PDZRN4: variants seen among roughly 807,000 people sequenced by gnomAD.
The protein encoded by PDZRN4 is PDZ domain containing ring finger 4.
A neutral mutation model predicts 99.0 loss-of-function variants in PDZRN4; 70 were observed. The observed-to-expected ratio is 0.71, with a 90% confidence interval of 0.58 to 0.86. The LOEUF is 0.86. Ranked by LOEUF, PDZRN4 falls within the 40% of genes least tolerant of loss-of-function variation. The pLI is 0.00. For missense variants in PDZRN4, 1,474 were observed against 1,331.2 expected (o/e 1.11, Z -1.67); for synonymous variants, 551 against 501.6 (o/e 1.10, Z -1.32).
intron 3 of PDZRN4, among the ~76,000 whole-genome samples, chr12:41,359,991 G>T (rs1430573238): frequency 6.6e-6 from 1 of 151,906 alleles, no homozygotes; most frequent in East Asian, 1.9e-4. Context: ...ACATATGCCT[G>T]CACACTCTTC....
rs147401164 is a variant in PDZRN4 at position 41,402,689 on chromosome 12, T to G, written c.844-103767T>G. On this transcript the variant is annotated intron_variant, in intron 3 of 9. Transcript: ENST00000402685. ...TATATATATATATATATACTGAGTA[T>G]ATACATATATATACTCTCTTCAAAA... is the stretch of plus-strand genomic sequence containing the variant. Among the ~76,000 whole-genome samples, 151 of 134,790 alleles carry G rather than the reference T, an allele frequency of 1.1e-3. 3 individuals are homozygous for G. Among genetic ancestry groups the G allele is most frequent in the African/African-American group, 4.2e-3 (145 of 34,250 alleles). 88.4% of individuals were successfully genotyped at this position (134,790 alleles called of 152,430 possible).
chr12:41,249,903 T>C (rs937963421), intron 3 of PDZRN4, among the ~76,000 whole-genome samples: 2 of 152,230 alleles, frequency 1.3e-5, no homozygotes, highest in African/African-American at 2.4e-5. Context: ...GGGTTATGTG[T>C]GTATGTTTAA....
intron 3 of PDZRN4, among the ~76,000 whole-genome samples, chr12:41,265,742 A>T (rs1346389163): frequency 6.6e-6 from 1 of 152,204 alleles, no homozygotes; most frequent in African/African-American, 2.4e-5. Flanking sequence ...TCATTGCATC[A>T]TATTTTTAAC....
chr12:41,413,613 A>C (rs986940857), intron 3 of PDZRN4, among the ~76,000 whole-genome samples: 1 of 152,174 alleles, frequency 6.6e-6, no homozygotes, highest in Non-Finnish European at 1.5e-5. Flanking sequence ...GTGTTGCAGC[A>C]CATATAATGT....
At chr12:41,257,882 A>AT (rs1461501991) in intron 3 of PDZRN4, among the ~76,000 whole-genome samples, 60 of 152,312 alleles carry the variant, frequency 3.9e-4, no homozygotes, top group African/African-American at 1.4e-3. Flanking sequence ...CTGTTTATAT[A>AT]TTTAACAGTA....
At chr12:41,310,272 GT>G (rs1951598217) in intron 3 of PDZRN4, among the ~76,000 whole-genome samples, 1 of 152,042 alleles carries the variant, frequency 6.6e-6, no homozygotes, top group Non-Finnish European at 1.5e-5. Flanking sequence ...GTGTGTGTGT[GT>G]GTGTGTATGC....
intron 3 of PDZRN4, among the ~76,000 whole-genome samples, chr12:41,339,589 C>T (rs1565556168): frequency 1.3e-5 from 2 of 151,468 alleles, no homozygotes; most frequent in Admixed American, 6.6e-5. Context: ...GAGACCATAT[C>T]AAGTTAAAAA....
chr12:41,272,475 A>G (rs1000229288), intron 3 of PDZRN4, among the ~76,000 whole-genome samples: 3 of 152,054 alleles, frequency 2.0e-5, no homozygotes, highest in African/African-American at 7.2e-5. Flanking sequence ...TGGCCCATTT[A>G]TTGTATTAAA....
At chr12:41,570,917 C>T (rs1939460181) in intron 9 of PDZRN4, among the ~76,000 whole-genome samples, 1 of 152,076 alleles carries the variant, frequency 6.6e-6, no homozygotes, top group Admixed American at 6.5e-5. Context: ...CATAGAAAAG[C>T]TGATACATGG....
chr12:41,290,762 C>A (rs989920086), intron 3 of PDZRN4, among the ~76,000 whole-genome samples: 1 of 151,988 alleles, frequency 6.6e-6, no homozygotes, highest in East Asian at 1.9e-4. Flanking sequence ...GAAGGAATAA[C>A]CGGTCATTTT....
intron 3 of PDZRN4, among the ~76,000 whole-genome samples, chr12:41,294,068 T>A (rs986776280): frequency 6.6e-6 from 1 of 152,198 alleles, no homozygotes; most frequent in East Asian, 1.9e-4. Context: ...GTTTTTGTTT[T>A]TGTTTCTTTT....
chr12:41,424,032 AG>A (rs1391275659), intron 3 of PDZRN4, among the ~76,000 whole-genome samples: 3 of 152,170 alleles, frequency 2.0e-5, no homozygotes, highest in Non-Finnish European at 4.4e-5. Flanking sequence ...CATGTTGGGA[AG>A]TTCCTCATGT....
rs1055571412 is a variant in PDZRN4 at position 41,188,592 on chromosome 12, C to T, written c.137C>T (p.Ala46Val). 4 of 1,541,986 alleles carry T rather than the reference C, an allele frequency of 2.6e-6. No individual in the cohort carries two copies. In the Admixed American group the frequency reaches 7.7e-5, roughly 30 times the overall value. ...VFCASCLLPW[A>V]VRRRRCPLQC... ...TGCGCCAGCTGCCTGTTGCCCTGGGCGGTGCGGAGGCGCCGGTGCCCGCTG... is the reference window on the plus strand; with the variant it reads ...TGCGCCAGCTGCCTGTTGCCCTGGGTGGTGCGGAGGCGCCGGTGCCCGCTG... Residue 46 changes from alanine (A) to valine (V), a missense_variant, in exon 1 of 10, where the codon GCG (alanine) becomes GTG (valine). Coordinates refer to ENST00000402685, the MANE Select transcript of PDZRN4 (RefSeq NM_001164595.2).
intron 3 of PDZRN4, among the ~76,000 whole-genome samples, chr12:41,207,210 A>G (rs1950857096): frequency 6.6e-6 from 1 of 151,806 alleles, no homozygotes; most frequent in South Asian, 2.1e-4. Context: ...AGACATGTGT[A>G]ATTTTTTTTG....
chr12:41,314,275 CAAGTT>C (rs1440314863), intron 3 of PDZRN4, among the ~76,000 whole-genome samples: 8 of 152,258 alleles, frequency 5.3e-5, no homozygotes, highest in Middle Eastern at 3.4e-3. Context: ...ATCATCACAG[CAAGTT>C]AAGTTTCTGA....
Position 41,560,593 on chromosome 12 carries a change from C to T in PDZRN4, c.1366-2955C>T, listed in dbSNP as rs560120402. On this transcript the variant is annotated intron_variant, in intron 7 of 9. Transcript: ENST00000402685. ...CTATTTTCCTAAAGTGGAAGTCCTC[C>T]ATTAAGCTATGTGACGTGACTACTC... Among the ~76,000 whole-genome samples, 354 of 152,312 alleles carry T rather than the reference C, an allele frequency of 2.3e-3. 2 individuals are homozygous for T. The highest frequency in any genetic ancestry group is 7.4e-3 in the African/African-American group (306 of 41,584).
intron 3 of PDZRN4, among the ~76,000 whole-genome samples, chr12:41,449,312 T>C (rs976342268): frequency 2.0e-5 from 3 of 152,172 alleles, no homozygotes; most frequent in African/African-American, 7.2e-5. Flanking sequence ...GCTATTGTTT[T>C]CTCAGTTTAC....
intron 6 of PDZRN4, among the ~76,000 whole-genome samples, chr12:41,554,947 G>A (rs944152483): frequency 8.0e-5 from 12 of 150,842 alleles, no homozygotes; most frequent in Middle Eastern, 3.2e-3. Context: ...GGTGGCTCAC[G>A]CCTGTAATCC....
chr12:41,200,202 G>C (rs1485209264), intron 3 of PDZRN4, among the ~76,000 whole-genome samples: 1 of 152,088 alleles, frequency 6.6e-6, no homozygotes, highest in African/African-American at 2.4e-5. Flanking sequence ...CTTCAGGAAA[G>C]GATGCAGGTG....
Sources: gnomAD v4.1 joint callset for allele counts (sites outside exome capture counted in the v4.1 genomes callset) on GRCh38, gnomAD v4.1.1 for gene constraint, MANE v1.5 for transcripts, NCBI Gene and HGNC (gene_info 2026-07-23, HGNC 2026-07-21) for gene names.